The following CP variants were observed in gnomAD, a reference collection of about 807,000 sequenced individuals.
CP encodes caeruloplasmin.
In CP, 64 loss-of-function variants were observed where a neutral mutation model predicts 122.4. The ratio of observed to expected loss-of-function variants is 0.52; its 90% CI spans 0.43 to 0.64. The LOEUF (loss-of-function observed/expected upper bound fraction) is 0.64, where lower values mean the gene tolerates loss of function less well. CP is among the 30% of genes least tolerant of loss of function. CP has a pLI of 0.00. For missense variants in CP, 1,167 were observed against 1,284.4 expected, an observed-to-expected ratio of 0.91 and a Z score of 1.40; for synonymous variants, 440 against 436.4, an observed-to-expected ratio of 1.01 and a Z score of -0.10.
intron 1 of CP, among the ~76,000 whole-genome samples, chr3:149,214,806 C>T (rs1305733283): frequency 6.6e-6 from 1 of 152,208 alleles, no homozygotes; most frequent in African/African-American, 2.4e-5. Context: ...TATGTCTTAA[C>T]AACAGCAAAA....
At chr3:149,171,244 C>G (rs1462008548), downstream of CP, among the ~76,000 whole-genome samples, 1 of 151,722 alleles carries the variant, frequency 6.6e-6, no homozygotes, top group East Asian at 1.9e-4. Context: ...CACCACTGCA[C>G]TCCAGCATGG....
At chr3:149,172,090 C>T (rs1725051925), downstream of CP, 2 of 1,612,328 alleles carry the variant, frequency 1.2e-6, no homozygotes, top group East Asian at 2.2e-5. Context: ...TTCTTTTCTA[C>T]ACAGAAACAT....
intron 1 of CP, among the ~76,000 whole-genome samples, chr3:149,215,396 G>GT (rs1244339476): frequency 6.6e-6 from 1 of 152,158 alleles, no homozygotes; most frequent in Admixed American, 6.5e-5. Context: ...TCTAGGCAAA[G>GT]TTTTTTGGGG....
intron 9 of CP, among the ~76,000 whole-genome samples, chr3:149,190,700 C>T (rs900563337): frequency 1.5e-5 from 2 of 129,908 alleles, no homozygotes; most frequent in Non-Finnish European, 3.4e-5. Context: ...ACCCCATAAA[C>T]AACAAAACTA....
rs1237059315 is a variant in CP at position 149,184,425 on chromosome 3, A to T, written c.2285+814T>A. Among the ~76,000 whole-genome samples the T allele has an allele frequency of 2.6e-5, 4 of 152,156 alleles. No individual in the cohort carries two copies. In the East Asian group the frequency reaches 7.7e-4, roughly 29 times the overall value. On this transcript the variant is annotated intron_variant, in intron 12 of 18. Coordinates refer to ENST00000264613, the MANE Select transcript of CP (RefSeq NM_000096.4). ...AGTTTACTCCTTTACACTGCAAACT[A>T]TACTCACTACTGCTGTCAAACAGGT...
chr3:149,207,553 T>G lies in CP; in HGVS notation c.846A>C (p.Lys282Asn), dbSNP rs914249868. Residue 282 changes from lysine to asparagine, a missense_variant, in exon 5 of 19, where the codon AAA becomes AAC. This residue lies in a region of CP where 642 missense variants were observed against 627.3 expected (regional missense o/e 1.02). Coordinates refer to ENST00000264613, the MANE Select transcript of CP (RefSeq NM_000096.4). ...GLSMCAEDRV[K>N]WYLFGMGNEV... ...CATTACCCATACCAAAAAGGTACCATTTTACTCTGTCTTCAGCACACATGG... is the reference window on the plus strand; with the variant it reads ...CATTACCCATACCAAAAAGGTACCAGTTTACTCTGTCTTCAGCACACATGG... The G allele has an allele frequency of 6.2e-7, 1 of 1,613,966 alleles. No individual in the cohort carries two copies. The highest frequency in any genetic ancestry group is 1.3e-5 in the African/African-American group (1 of 75,052).
At chr3:149,162,958 TATAAAATCTAACCTAGTTTTC>T in intron 5 of CP, 1 of 1,190,808 alleles carries the variant, frequency 8.4e-7, no homozygotes, top group South Asian at 1.3e-5. Context: ...AATAACTTAT[TATAAAATCTAACCTAGTTTTC>T]TATTACCAGG....
rs199649086 is a variant in CP, at chr3:149,188,158, A to G, written c.1758T>C (p.Asp586=). The change falls in exon 10 of 19, where the codon GAT becomes GAC. Residue 586 remains aspartate, a synonymous_variant. Coordinates refer to ENST00000264613, the MANE Select transcript of CP (RefSeq NM_000096.4). The stretch of plus-strand genomic sequence containing the variant: ...CTTCCAGGAGTAAACTCTCATTCTC[A>G]TCAAATACTGTAGGAAACAAATAGA... The part of the protein sequence containing the change: ...KEFYLFPTVF[D]ENESLLLEDN... 12 of 1,612,846 alleles carry G rather than the reference A, an allele frequency of 7.4e-6. No individual in the cohort carries two copies. The Admixed American group carries it at 2.0e-4, about 27-fold the overall frequency.
chr3:149,177,744 G>T, intron 17 of CP, 96 bp downstream of exon 17: 2 of 1,362,542 alleles, frequency 1.5e-6, no homozygotes, highest in Non-Finnish European at 2.1e-6. Context: ...ACTCTTTGCA[G>T]CTTTTTTTCA....
intron 9 of CP, among the ~76,000 whole-genome samples, chr3:149,191,168 G>A (rs1367169816): frequency 1.3e-5 from 2 of 150,692 alleles, no homozygotes; most frequent in Non-Finnish European, 2.9e-5. Context: ...CTGCCTTTTT[G>A]AAATTTAGGT....
chr3:149,168,061 CATGTGAT>C (rs1724608653), downstream of CP: 16 of 903,032 alleles, frequency 1.8e-5, no homozygotes, highest in Admixed American at 1.1e-4. Flanking sequence ...TAAGTATTTT[CATGTGAT>C]TCTCAAGTGA....
intron 1 of CP, among the ~76,000 whole-genome samples, chr3:149,220,860 A>G (rs1316806715): frequency 2.0e-5 from 3 of 152,212 alleles, no homozygotes; most frequent in Admixed American, 6.5e-5. Context: ...TTTAATTAAC[A>G]TCATTAAAAG....
At chr3:149,202,302 CTTAAGGTGCTAA>C in intron 6 of CP, 61 bp from the exon 7 acceptor site, 1 of 1,608,968 alleles carries the variant, frequency 6.2e-7, no homozygotes, top group South Asian at 1.1e-5. Context: ...CAGGTATTCA[CTTAAGGTGCTAA>C]TTGAAGAGAA....
intron 1 of CP, among the ~76,000 whole-genome samples, chr3:149,213,441 A>T (rs1428846161): frequency 1.3e-5 from 2 of 152,232 alleles, no homozygotes; most frequent in African/African-American, 4.8e-5. Context: ...AAAGATGGAA[A>T]GAAAGTAAAT....
chr3:149,218,432 T>G (rs1728600149), intron 1 of CP, among the ~76,000 whole-genome samples: 1 of 152,192 alleles, frequency 6.6e-6, no homozygotes, highest in Admixed American at 6.5e-5. Flanking sequence ...GGAAATTATT[T>G]TCCACTTCAC....
chr3:149,171,343 G>A (rs532296357), downstream of CP, among the ~76,000 whole-genome samples: 4 of 152,196 alleles, frequency 2.6e-5, no homozygotes, highest in Admixed American at 6.5e-5. Flanking sequence ...GTAAATGGTC[G>A]TGAAAACAGA....
exon 6 of CP, chr3:149,162,725 G>T: frequency 6.2e-7 from 1 of 1,614,002 alleles, no homozygotes; most frequent in Non-Finnish European, 8.5e-7. Flanking sequence ...CAATTCCTCA[G>T]CTCTTGGTAG....
intron 5 of CP, among the ~76,000 whole-genome samples, chr3:149,165,315 G>A (rs1724306850): frequency 6.6e-6 from 1 of 152,044 alleles, no homozygotes; most frequent in Non-Finnish European, 1.5e-5. Context: ...AAGCTTTAAA[G>A]CATATTTATA....
intron 11 of CP, 52 bp from the exon 12 acceptor site, chr3:149,185,498 G>A (rs754939077): frequency 1.9e-5 from 30 of 1,542,286 alleles, no homozygotes; most frequent in African/African-American, 4.1e-5. Flanking sequence ...GCCCTCTGGG[G>A]CTCTCCACCT....
Sources: gnomAD v4.1 joint callset for allele counts (sites outside exome capture counted in the v4.1 genomes callset) on GRCh38, gnomAD v4.1.1 for gene constraint, gnomAD v4.1.1 regional missense constraint, MANE v1.5 for transcripts, NCBI Gene and HGNC (gene_info 2026-07-23, HGNC 2026-07-21) for gene names.